ASAP2: variants seen among roughly 807,000 people sequenced by gnomAD.
ASAP2 encodes ArfGAP with SH3 domain, ankyrin repeat and PH domain 2.
ASAP2 carries 45 observed loss-of-function variants against 131.4 expected under a neutral mutation model. The ratio of observed to expected loss-of-function variants is 0.34; its 90% confidence interval spans 0.27 to 0.44. The LOEUF (loss-of-function observed/expected upper bound fraction) is 0.44, where lower values mean the gene tolerates loss of function less well. Ranked by LOEUF, ASAP2 falls within the 20% of genes least tolerant of loss-of-function variation. ASAP2 has a pLI of 1.00. For missense variants in ASAP2, 1,011 were observed against 1,297.0 expected, an observed-to-expected ratio of 0.78 and a Z score of 3.39; for synonymous variants, 510 against 503.0, an observed-to-expected ratio of 1.01 and a Z score of -0.19.
chr2:9,302,472 A>G (rs879463995), intron 3 of ASAP2, among the ~76,000 whole-genome samples: 2 of 147,062 alleles, frequency 1.4e-5, no homozygotes, highest in Non-Finnish European at 3.0e-5. Context: ...TGCCTGGCCA[A>G]CTTTTTTTGT....
At chr2:9,370,776 G>A (rs1673883274) in intron 16 of ASAP2, among the ~76,000 whole-genome samples, 1 of 152,108 alleles carries the variant, frequency 6.6e-6, no homozygotes, top group Non-Finnish European at 1.5e-5. Context: ...CTGAAAATGA[G>A]GTTCCTCTCC....
chr2:9,271,592 AGGAGTTTAAATAGT>A, intron 1 of ASAP2: 1 of 1,434,814 alleles, frequency 7.0e-7, no homozygotes, highest in South Asian at 1.2e-5. Context: ...GCATCAGCAA[AGGAGTTTAAATAGT>A]GGAGGTTCTG....
At chr2:9,388,268 G>A (rs769182626) in intron 21 of ASAP2, 26 bp from the exon 22 acceptor site, 6 of 1,610,074 alleles carry the variant, frequency 3.7e-6, no homozygotes, top group East Asian at 2.2e-5. Flanking sequence ...TGTCTCACAC[G>A]CCTCTGCCCC....
rs186023991 is a variant in ASAP2 at position 9,383,394 on chromosome 2, A to G, written c.2017-1851A>G. Among the ~76,000 whole-genome samples the G allele has an allele frequency of 1.5e-4, 23 of 152,110 alleles. No homozygotes were observed. The East Asian group carries it at 3.7e-3, about 24-fold the overall frequency. ...CTCAGCCTCCCGAGTAGCTGAGACTACAGATGCATGCCACCACGCCTGGCT... is the reference window on the plus strand; with the variant it reads ...CTCAGCCTCCCGAGTAGCTGAGACTGCAGATGCATGCCACCACGCCTGGCT... On this transcript the variant is annotated intron_variant, in intron 20 of 27. Transcript: ENST00000281419.
intron 22 of ASAP2, 74 bp downstream of exon 22, chr2:9,388,620 C>G: frequency 6.5e-7 from 1 of 1,543,828 alleles, no homozygotes; most frequent in South Asian, 1.2e-5. Context: ...TGCAGCTGCC[C>G]TGCCTCCAAC....
intron 1 of ASAP2, among the ~76,000 whole-genome samples, chr2:9,256,196 C>T (rs1665150887): frequency 6.7e-6 from 1 of 148,392 alleles, no homozygotes; most frequent in African/African-American, 2.5e-5. Flanking sequence ...GCAAGTAATT[C>T]TGGCAGCCCA....
intron 2 of ASAP2, among the ~76,000 whole-genome samples, chr2:9,287,326 A>G (rs1667529321): frequency 6.6e-6 from 1 of 152,258 alleles, no homozygotes; most frequent in Non-Finnish European, 1.5e-5. Flanking sequence ...CATGCCCCAA[A>G]GGTGAGCCAC....
chr2:9,353,586 A>G (rs1672493490), intron 12 of ASAP2, among the ~76,000 whole-genome samples: 1 of 151,120 alleles, frequency 6.6e-6, no homozygotes, highest in South Asian at 2.1e-4. Context: ...GCAGTTGGGG[A>G]AGTCAAGTGG....
Position 9,320,335 on chromosome 2 carries a change from A to C in ASAP2, c.468A>C (p.Lys156Asn). The C allele has an allele frequency of 6.2e-7, 1 of 1,608,796 alleles. No individual in the cohort carries two copies. Among genetic ancestry groups the C allele is most frequent in the African/African-American group, 1.3e-5 (1 of 74,862 alleles). ...FDKAWKDYET[K>N]ITKIEKEKKE... Reference sequence around the variant, plus strand: ...AAGCTTGGAAGGACTATGAAACAAAAATGTGAGTGTTCTCGTTTTTAAATT... The same window carrying C: ...AAGCTTGGAAGGACTATGAAACAAACATGTGAGTGTTCTCGTTTTTAAATT... Residue 156 changes from lysine (K) to asparagine (N), a missense_variant and splice_region_variant, in exon 5 of 28, where the codon AAA (lysine) becomes AAC (asparagine). Physicochemically the swap from Lys to Asn is moderately conservative, Grantham distance 94. Transcript: ENST00000281419.
At chr2:9,369,689 A>T (rs1458740295) in intron 16 of ASAP2, among the ~76,000 whole-genome samples, 1 of 152,258 alleles carries the variant, frequency 6.6e-6, no homozygotes, top group Non-Finnish European at 1.5e-5. Flanking sequence ...AAAAGTATTT[A>T]AAAATTCATT....
chr2:9,228,543 T>C (rs564674363), intron 1 of ASAP2, among the ~76,000 whole-genome samples: 1 of 152,248 alleles, frequency 6.6e-6, no homozygotes, highest in Non-Finnish European at 1.5e-5. Flanking sequence ...ATTTGGGAGC[T>C]GATAGTTGAT....
intron 1 of ASAP2, among the ~76,000 whole-genome samples, chr2:9,209,357 G>A (rs1342952961): frequency 6.6e-6 from 1 of 152,154 alleles, no homozygotes; most frequent in Non-Finnish European, 1.5e-5. Context: ...GGTGTCTAAT[G>A]TTCGTGTCTA....
At chr2:9,239,550 T>C (rs1270531046) in intron 1 of ASAP2, among the ~76,000 whole-genome samples, 2 of 152,184 alleles carry the variant, frequency 1.3e-5, no homozygotes, top group East Asian at 3.8e-4. Flanking sequence ...TACCATTTTC[T>C]TTATTTTATG....
chr2:9,350,954 G>C (rs1365076788), intron 12 of ASAP2, 59 bp downstream of exon 12: 9 of 1,314,798 alleles, frequency 6.8e-6, no homozygotes, highest in Non-Finnish European at 9.4e-6. Context: ...CTCCTCTGGG[G>C]CGTCCTTCAC....
chr2:9,222,885 G>A (rs1272265587), intron 1 of ASAP2, among the ~76,000 whole-genome samples: 1 of 152,052 alleles, frequency 6.6e-6, no homozygotes, highest in Admixed American at 6.6e-5. Context: ...CCTAATCAGT[G>A]TCCAAAGCTT....
intron 6 of ASAP2, among the ~76,000 whole-genome samples, chr2:9,326,701 A>G (rs1670502722): frequency 6.6e-6 from 1 of 151,996 alleles, no homozygotes; most frequent in African/African-American, 2.4e-5. Context: ...ACCTATTTTC[A>G]CTCTCTAGTA....
intron 1 of ASAP2, among the ~76,000 whole-genome samples, chr2:9,212,162 T>A (rs1169481780): frequency 6.6e-6 from 1 of 152,168 alleles, no homozygotes; most frequent in Non-Finnish European, 1.5e-5. Context: ...TTCAGTGTGC[T>A]GGGCTGTGTG....
chr2:9,279,231 A>G (rs1435743382), intron 1 of ASAP2, 86 bp from the exon 2 acceptor site: 1 of 1,305,808 alleles, frequency 7.7e-7, no homozygotes, highest in Admixed American at 1.7e-5. Flanking sequence ...TGGCAGAGGC[A>G]ATCAGAGTGG....
At chr2:9,305,203 G>A (rs1212028420) in intron 3 of ASAP2, among the ~76,000 whole-genome samples, 3 of 151,856 alleles carry the variant, frequency 2.0e-5, no homozygotes, top group Non-Finnish European at 2.9e-5. Flanking sequence ...GTCTGGAGTA[G>A]TGAGGTATAG....
Sources: gnomAD v4.1 joint callset for allele counts (sites outside exome capture counted in the v4.1 genomes callset) on GRCh38, gnomAD v4.1.1 for gene constraint, MANE v1.5 for transcripts, NCBI Gene and HGNC (gene_info 2026-07-23, HGNC 2026-07-21) for gene names.